The following LRP1B variants were observed in gnomAD, a reference collection of about 807,000 sequenced individuals.
The protein encoded by LRP1B is low-density lipoprotein receptor-related protein 1B.
LRP1B carries 217 observed loss-of-function variants against 556.6 expected under a neutral mutation model. The ratio of observed to expected loss-of-function variants is 0.39; its 90% CI spans 0.35 to 0.44. The LOEUF is 0.44. LRP1B is among the 20% of genes least tolerant of loss of function. The pLI, the probability that LRP1B is intolerant of heterozygous loss-of-function variation, is 1.00. For missense variants in LRP1B, 5,053 were observed against 5,620.8 expected (o/e 0.90, Z 3.23); for synonymous variants, 2,047 against 1,865.8 (o/e 1.10, Z -2.50).
At chr2:141,050,077 G>A (rs1332116261) in intron 10 of LRP1B, among the ~76,000 whole-genome samples, 2 of 151,546 alleles carry the variant, frequency 1.3e-5, no homozygotes, top group Non-Finnish European at 2.9e-5. Flanking sequence ...TATATACAAG[G>A]AAAAACATAC....
At chr2:140,825,358 C>G (rs936879820) in intron 31 of LRP1B, among the ~76,000 whole-genome samples, 1 of 152,136 alleles carries the variant, frequency 6.6e-6, no homozygotes, top group African/African-American at 2.4e-5. Context: ...ATTCTAAACT[C>G]CTTGAAGAAA....
intron 84 of LRP1B, among the ~76,000 whole-genome samples, chr2:140,282,303 T>C (rs1682947751): frequency 6.6e-6 from 1 of 151,658 alleles, no homozygotes. Context: ...GGCACATGGG[T>C]TTTTGGTATA....
At chr2:140,398,322 A>G (rs796497257) in intron 66 of LRP1B, among the ~76,000 whole-genome samples, 48 of 152,264 alleles carry the variant, frequency 3.2e-4, no homozygotes, top group African/African-American at 1.1e-3. Context: ...ATCAAGGAAA[A>G]AGGACACAGA....
At chr2:141,517,680 T>C (rs775269199) in intron 2 of LRP1B, among the ~76,000 whole-genome samples, 1 of 152,190 alleles carries the variant, frequency 6.6e-6, no homozygotes, top group Admixed American at 6.5e-5. Context: ...GTCCAGACCA[T>C]CTTCTTCAAT....
Position 140,524,128 on chromosome 2 carries a change from T to TAA in LRP1B, c.8026+1714_8026+1715dup, listed in dbSNP as rs57638206. Among the ~76,000 whole-genome samples the TAA allele has an allele frequency of 2.9e-4, 44 of 150,948 alleles. No individual in the cohort carries two copies. The Middle Eastern group carries it at 0.014, about 48-fold the overall frequency. ...GGAATTTAAATAAATCAATAAGAAA[T>TAA]AAAAAAAACAAATAACCCCATTAAA... On this transcript the variant is annotated intron_variant, in intron 49 of 90. Transcript: ENST00000389484.
At position 140,601,614 on chromosome 2, in the gene LRP1B, G is replaced by A. The variant is rs758263032; in HGVS notation, c.6825C>T (p.Ala2275=). Reference sequence around the variant, plus strand: ...ACAGTGTATCCCAGGCTCTGTGATAGGCAAGTCCTTCCACAGAACCCACAT... The same window carrying A: ...ACAGTGTATCCCAGGCTCTGTGATAAGCAAGTCCTTCCACAGAACCCACAT... ...VENVGSVEGL[A]YHRAWDTLYW... is the part of the protein sequence containing the mutation. Residue 2275 remains alanine, a synonymous_variant, in exon 42 of 91, where the codon GCC becomes GCT. Transcript: ENST00000389484. 6.3e-7 allele frequency: 1 copy of A among 1,598,834 alleles called. No individual in the cohort carries two copies. Among genetic ancestry groups the A allele is most frequent in the East Asian group, 2.2e-5 (1 of 44,684 alleles).
rs776352269 is a variant in LRP1B, at chr2:141,247,306, T to G, written c.512A>C (p.Asn171Thr). 1 of 1,613,836 alleles carries G rather than the reference T, an allele frequency of 6.2e-7. No individual in the cohort carries two copies. The highest frequency in any genetic ancestry group is 1.1e-5 in the South Asian group (1 of 91,082). The stretch of plus-strand genomic sequence containing the variant: ...ACTGCAAGTGTAGGATCCATGTGTG[T>G]TTCTGCAGGTCTGGCTGCATGTACC... ...VYGTCSQTCR[N>T]THGSYTCSCV... Residue 171 changes from asparagine (N) to threonine (T), a missense_variant, in exon 5 of 91, where the codon AAC becomes ACC. Physicochemically the swap from Asn to Thr is moderately conservative, Grantham distance 65. Coordinates refer to ENST00000389484, the MANE Select transcript of LRP1B (RefSeq NM_018557.3).
chr2:140,887,907 A>T (rs1693686597), intron 23 of LRP1B, among the ~76,000 whole-genome samples: 1 of 152,148 alleles, frequency 6.6e-6, no homozygotes, highest in Non-Finnish European at 1.5e-5. Flanking sequence ...ATTAACAGGA[A>T]GTGATTGCAA....
At chr2:140,715,675 A>G (rs1036536665) in intron 37 of LRP1B, among the ~76,000 whole-genome samples, 10 of 152,128 alleles carry the variant, frequency 6.6e-5, no homozygotes, top group African/African-American at 2.4e-4. Context: ...TTCAATAAAT[A>G]ATTGAATACC....
chr2:140,635,624 G>C (rs1466155698), intron 41 of LRP1B, among the ~76,000 whole-genome samples: 1 of 151,704 alleles, frequency 6.6e-6, no homozygotes, highest in Non-Finnish European at 1.5e-5. Flanking sequence ...ATGGTACATT[G>C]GTTCATCTGT....
intron 15 of LRP1B, among the ~76,000 whole-genome samples, chr2:140,996,797 A>C (rs565160496): frequency 6.6e-6 from 1 of 152,132 alleles, no homozygotes; most frequent in African/African-American, 2.4e-5. Context: ...AAAAGATAAA[A>C]GATAAAGACA....
chr2:140,573,311 GAAAATTTAGGGTA>G (rs1156658792), intron 43 of LRP1B, among the ~76,000 whole-genome samples: 1 of 151,766 alleles, frequency 6.6e-6, no homozygotes, highest in Non-Finnish European at 1.5e-5. Context: ...AGTAAATTAA[GAAAATTTAGGGTA>G]AAAATGAAGG....
chr2:142,015,543 GCTT>G (rs1480970494), intron 1 of LRP1B, among the ~76,000 whole-genome samples: 1 of 152,174 alleles, frequency 6.6e-6, no homozygotes, highest in Non-Finnish European at 1.5e-5. Flanking sequence ...AAACGAAAGA[GCTT>G]CTGCACAACA....
At chr2:140,364,051 T>C (rs1185214054) in intron 72 of LRP1B, among the ~76,000 whole-genome samples, 1 of 151,670 alleles carries the variant, frequency 6.6e-6, no homozygotes, top group Non-Finnish European at 1.5e-5. Flanking sequence ...CTCATAAGCA[T>C]ACACCGGACA....
At chr2:140,885,346 C>T (rs1199275350) in intron 24 of LRP1B, among the ~76,000 whole-genome samples, 1 of 150,348 alleles carries the variant, frequency 6.7e-6, no homozygotes, top group Non-Finnish European at 1.5e-5. Context: ...ATATTTATGT[C>T]AACGGCTTCC....
At chr2:140,591,552 G>A (rs972047585) in intron 43 of LRP1B, among the ~76,000 whole-genome samples, 1 of 152,168 alleles carries the variant, frequency 6.6e-6, no homozygotes, top group African/African-American at 2.4e-5. Context: ...TTCCTTCTAC[G>A]ACTTTGGAAA....
At chr2:141,222,457 G>A (rs759971773) in intron 6 of LRP1B, among the ~76,000 whole-genome samples, 14 of 152,260 alleles carry the variant, frequency 9.2e-5, no homozygotes, top group South Asian at 4.1e-4. Flanking sequence ...GGTACAAAGC[G>A]GAGCTGGTAC....
rs2105059377 is a variant in LRP1B, at chr2:140,323,998, C to T, written c.12409G>A (p.Val4137Ile). Residue 4137 changes from valine to isoleucine, a missense_variant, in exon 81 of 91, where the codon GTA becomes ATA. Physicochemically the swap from Val to Ile is conservative, Grantham distance 29. Around this residue, in one of 5 missense-constraint regions of LRP1B, gnomAD observed 551 missense variants for 592.0 expected, o/e 0.93. Coordinates refer to ENST00000389484, the MANE Select transcript of LRP1B (RefSeq NM_018557.3). ...YIYGAGPKNG[V>I]FRVQKFGHGS... ...TGGCCAAATTTTTGAACTCGAAATA[C>T]ACCATTTTTAGGTCCTGCTCCATAT... 1 of 1,609,318 alleles carries T rather than the reference C, an allele frequency of 6.2e-7. No individual in the cohort carries two copies. Among genetic ancestry groups the T allele is most frequent in the Non-Finnish European group, 8.5e-7 (1 of 1,176,214 alleles).
At chr2:141,840,350 G>A (rs1372459096) in intron 1 of LRP1B, among the ~76,000 whole-genome samples, 2 of 127,640 alleles carry the variant, frequency 1.6e-5, no homozygotes, top group African/African-American at 3.0e-5. Flanking sequence ...TGCAACTTCC[G>A]CCTCCCGGGT....
Sources: allele counts gnomAD v4.1 joint callset (sites outside exome capture counted in the v4.1 genomes callset), GRCh38; gene constraint gnomAD v4.1.1; regional missense constraint gnomAD v4.1.1; transcripts MANE v1.5; gene names NCBI Gene and HGNC (gene_info 2026-07-23, HGNC 2026-07-21).